Variants in RNF144A observed in about 807,000 individuals in gnomAD.
RNF144A encodes E3 ubiquitin-protein ligase RNF144A.
A neutral mutation model predicts 38.7 loss-of-function variants in RNF144A; 11 were observed. The ratio of observed to expected loss-of-function variants is 0.28; its 90% confidence interval spans 0.18 to 0.47. The LOEUF (loss-of-function observed/expected upper bound fraction) is 0.47. RNF144A is among the 20% of genes least tolerant of loss of function. The pLI, the probability that RNF144A is intolerant of heterozygous loss-of-function variation, is 0.99. For synonymous variants in RNF144A, 149 were observed against 143.9 expected, an observed-to-expected ratio of 1.04 and a Z score of -0.25; for missense variants, 316 against 377.2, an observed-to-expected ratio of 0.84 and a Z score of 1.34.
At chr2:7,019,652 GCAT>G (rs1558437252) in intron 5 of RNF144A, among the ~76,000 whole-genome samples, 1 of 152,216 alleles carries the variant, frequency 6.6e-6, no homozygotes, top group Non-Finnish European at 1.5e-5. Flanking sequence ...CGAGAATTCG[GCAT>G]CATGCTGGAC....
intron 1 of RNF144A, 109 bp from the exon 2 acceptor site, chr2:6,940,839 A>G (rs1202279710): frequency 6.6e-6 from 1 of 152,196 alleles, no homozygotes; most frequent in Middle Eastern, 3.2e-3. Flanking sequence ...CTGACTGGAT[A>G]AGATTTCTAA....
At chr2:7,060,518 C>T (rs1028954142) in intron 6 of RNF144A, among the ~76,000 whole-genome samples, 6 of 152,134 alleles carry the variant, frequency 3.9e-5, no homozygotes, top group Non-Finnish European at 8.8e-5. Context: ...TATAACCTTT[C>T]CCCCTGGCAA....
chr2:7,013,950 C>T (rs309326), intron 3 of RNF144A, among the ~76,000 whole-genome samples: 92,636 of 152,040 alleles, frequency 0.61, 28,925 homozygotes, highest in Non-Finnish European at 0.67. Context: ...GGGTTCACAT[C>T]GAGGCTCTGG....
At position 6,962,762 on chromosome 2, in the gene RNF144A, A is replaced by G. The variant is rs562276883; in HGVS notation, c.-12+21615A>G. 2.0e-5 allele frequency among the ~76,000 whole-genome samples: 3 copies of G among 152,330 alleles called. No individual in the cohort carries two copies. Among genetic ancestry groups the G allele is most frequent in the East Asian group, 1.9e-4 (1 of 5,176 alleles). ...TATTCATCACAGCATAAACTTCCAGAGGCAGGGCAATACCTTTTCCATTAC... is the reference window on the plus strand; with the variant it reads ...TATTCATCACAGCATAAACTTCCAGGGGCAGGGCAATACCTTTTCCATTAC... On this transcript the variant is annotated intron_variant, in intron 2 of 8. Coordinates refer to ENST00000320892, the MANE Select transcript of RNF144A (RefSeq NM_014746.6). The surrounding 1 kb of genome is among the most constrained non-coding windows in gnomAD (Gnocchi z 4.1).
At chr2:7,030,026 TATC>T (rs145818266) in intron 7 of RNF144A, 97 bp from the exon 8 acceptor site, 66,131 of 849,546 alleles carry the variant, frequency 0.078, 3,252 homozygotes, top group Middle Eastern at 0.18. Context: ...TGTCTCCACT[TATC>T]ATGAGCATAG....
At position 6,928,063 on chromosome 2, in the gene RNF144A, GGTT is replaced by G. The variant is rs1232521288; in HGVS notation, c.-212+10442_-212+10444del. Reference sequence around the variant, plus strand: ...ACTAGGCACGTCCTACATGCCTTGAGGTTAGTTATGGATGGTTCAGACTCTTGT... The same window carrying G: ...ACTAGGCACGTCCTACATGCCTTGAGAGTTATGGATGGTTCAGACTCTTGT... On this transcript the variant is annotated intron_variant, in intron 1 of 8. Transcript: ENST00000320892. 5.3e-5 allele frequency among the ~76,000 whole-genome samples: 8 copies of G among 152,142 alleles called. No homozygotes were observed. The East Asian group carries it at 1.5e-3, about 29-fold the overall frequency.
At chr2:6,999,902 C>T (rs1030115296) in intron 3 of RNF144A, among the ~76,000 whole-genome samples, 1 of 152,168 alleles carries the variant, frequency 6.6e-6, no homozygotes, top group African/African-American at 2.4e-5. Flanking sequence ...TGACGGACAC[C>T]GCATCCTTGT....
chr2:6,956,293 T>C (rs1666992722), intron 2 of RNF144A, among the ~76,000 whole-genome samples: 1 of 152,160 alleles, frequency 6.6e-6, no homozygotes, highest in Non-Finnish European at 1.5e-5. Context: ...TACTTTCCTG[T>C]AAACTTCCTG....
In RNF144A at chr2:6,924,649, G is replaced by A. The variant is rs1406796480; in HGVS notation, c.-212+7027G>A. 2.6e-5 allele frequency among the ~76,000 whole-genome samples: 4 copies of A among 152,348 alleles called. 1 individual carries two copies. The highest frequency in any genetic ancestry group is 4.1e-4 in the South Asian group (2 of 4,826). ...GGGCCTCCATCTCCCTTCCGAGTGC[G>A]GGCCTCTCATGAAACACTAGGATGC... On this transcript the variant is annotated intron_variant, in intron 1 of 8. Transcript: ENST00000320892.
At chr2:6,945,988 C>G (rs1666321815) in intron 2 of RNF144A, among the ~76,000 whole-genome samples, 1 of 152,016 alleles carries the variant, frequency 6.6e-6, no homozygotes, top group Admixed American at 6.6e-5. Flanking sequence ...GCAGGGAGAA[C>G]CATTCAGATG....
chr2:6,946,688 C>A (rs1666364574), intron 2 of RNF144A, among the ~76,000 whole-genome samples: 2 of 152,172 alleles, frequency 1.3e-5, no homozygotes, highest in African/African-American at 4.8e-5. Flanking sequence ...ATAATATTGA[C>A]AAACATGTAA....
chr2:7,020,739 A>G (rs541884983), intron 6 of RNF144A, 59 bp downstream of exon 6: 2 of 1,510,236 alleles, frequency 1.3e-6, no homozygotes, highest in East Asian at 2.3e-5. Context: ...AGAAGCAGGC[A>G]TGCTTTCTTC....
chr2:6,919,459 T>C (rs1452594978), intron 1 of RNF144A, among the ~76,000 whole-genome samples: 2 of 152,248 alleles, frequency 1.3e-5, no homozygotes, highest in Non-Finnish European at 2.9e-5. Flanking sequence ...CAGAAGAGGA[T>C]AAATCATGAA....
intron 2 of RNF144A, 69 bp from the exon 3 acceptor site, chr2:6,996,847 A>T (rs1251931196): frequency 3.3e-6 from 5 of 1,517,112 alleles, no homozygotes; most frequent in Non-Finnish European, 4.5e-6. Flanking sequence ...CAGCCAGGAG[A>T]ACCTTGCCAC....
intron 5 of RNF144A, among the ~76,000 whole-genome samples, chr2:7,018,748 G>T (rs911594525): frequency 6.6e-6 from 1 of 152,244 alleles, no homozygotes; most frequent in Non-Finnish European, 1.5e-5. Context: ...GCATCCTGGG[G>T]ATTTTAGATT....
At chr2:6,942,542 C>A (rs1487452392) in intron 2 of RNF144A, among the ~76,000 whole-genome samples, 1 of 152,198 alleles carries the variant, frequency 6.6e-6, no homozygotes, top group Non-Finnish European at 1.5e-5. Flanking sequence ...GAAGAGAGAG[C>A]CCTTACCATG....
At chr2:6,956,750 G>A (rs936931418) in intron 2 of RNF144A, among the ~76,000 whole-genome samples, 1 of 152,160 alleles carries the variant, frequency 6.6e-6, no homozygotes, top group African/African-American at 2.4e-5. Context: ...GCTTCTGGGA[G>A]GCTTGGTGGT....
intron 7 of RNF144A, among the ~76,000 whole-genome samples, chr2:7,027,134 A>G (rs1671960142): frequency 6.6e-6 from 1 of 152,178 alleles, no homozygotes; most frequent in Non-Finnish European, 1.5e-5. Flanking sequence ...TTTCTGGCAC[A>G]TGCAGACATC....
chr2:6,963,210 A>G lies in RNF144A; in HGVS notation c.-12+22063A>G, dbSNP rs911984822. ...ATGAACACTAAATACCTGAAAATGT[A>G]TGTTTGATTTTTACCCTTACGGGCC... On this transcript the variant is annotated intron_variant, in intron 2 of 8. Coordinates refer to ENST00000320892, the MANE Select transcript of RNF144A (RefSeq NM_014746.6). Among the ~76,000 whole-genome samples, 6 of 152,174 alleles carry G rather than the reference A, an allele frequency of 3.9e-5. No individual in the cohort carries two copies. The East Asian group carries it at 7.7e-4, about 20-fold the overall frequency.
Sources: allele counts gnomAD v4.1 joint callset (sites outside exome capture counted in the v4.1 genomes callset), GRCh38; gene constraint gnomAD v4.1.1; non-coding constraint Gnocchi (gnomAD v3.1); transcripts MANE v1.5; gene names NCBI Gene and HGNC (gene_info 2026-07-23, HGNC 2026-07-21).